RBFOX1: variants seen among roughly 807,000 people sequenced by gnomAD.
RBFOX1 encodes RNA binding protein fox-1 homolog 1.
RBFOX1 carries 8 observed loss-of-function variants against 57.7 expected under a neutral mutation model. That is an observed-to-expected ratio of 0.14 (90% confidence interval 0.08 to 0.25). The LOEUF is 0.25. Ranked by LOEUF, RBFOX1 falls within the 10% of genes least tolerant of loss-of-function variation. The probability of loss-of-function intolerance (pLI) is 1.00; values close to 1 mark genes in which losing one functional copy is unlikely to be tolerated. For synonymous variants in RBFOX1, 326 were observed against 222.4 expected, an observed-to-expected ratio of 1.47 and a Z score of -4.15; for missense variants, 611 against 548.5, an observed-to-expected ratio of 1.11 and a Z score of -1.14.
At chr16:7,566,689 G>A (rs2091761953) in intron 5 of RBFOX1, among the ~76,000 whole-genome samples, 1 of 152,052 alleles carries the variant, frequency 6.6e-6, no homozygotes, top group African/African-American at 2.4e-5. Context: ...CATTTAGCCA[G>A]TTTCACATTT....
At chr16:7,206,371 A>G (rs2089971486) in intron 4 of RBFOX1, among the ~76,000 whole-genome samples, 1 of 151,970 alleles carries the variant, frequency 6.6e-6, no homozygotes, top group East Asian at 1.9e-4. Flanking sequence ...ACCCCTTATA[A>G]ATACACTACA....
intron 4 of RBFOX1, among the ~76,000 whole-genome samples, chr16:7,206,248 T>A (rs1412787200): frequency 6.6e-6 from 1 of 152,104 alleles, no homozygotes; most frequent in Non-Finnish European, 1.5e-5. Flanking sequence ...AACATCTTAG[T>A]CTTTTGTGTT....
chr16:6,475,509 C>G (rs2095258629), intron 2 of RBFOX1, among the ~76,000 whole-genome samples: 1 of 152,174 alleles, frequency 6.6e-6, no homozygotes, highest in South Asian at 2.1e-4. Context: ...ATGCATTTGT[C>G]TATTAGAAAA....
chr16:5,599,102 G>A (rs759381263), exon 3 of RBFOX1: 9 of 851,258 alleles, frequency 1.1e-5, no homozygotes, highest in African/African-American at 5.1e-5. Flanking sequence ...CTGGGTTTGA[G>A]GGGAATAAAT....
At position 5,703,150 on chromosome 16, in the gene RBFOX1, G is replaced by C. The variant is rs1302682777; in HGVS notation, c.318+104189G>C. Among the ~76,000 whole-genome samples, 4 of 152,330 alleles carry C rather than the reference G, an allele frequency of 2.6e-5. No homozygotes were observed. The East Asian group carries it at 7.7e-4, about 29-fold the overall frequency. The stretch of plus-strand genomic sequence containing the variant: ...GTCTAAGGCATGAGAGAGATATGGA[G>C]CAAATGATCCTGTATAATTGCAACT... On this transcript the variant is annotated intron_variant, in intron 3 of 19. Coordinates refer to the RBFOX1 transcript ENST00000641259.
chr16:5,324,506 A>G (rs527315324), intron 1 of RBFOX1, among the ~76,000 whole-genome samples: 2 of 152,134 alleles, frequency 1.3e-5, no homozygotes, highest in Non-Finnish European at 2.9e-5. Context: ...CCCAAACCTT[A>G]TTAGAACCTA....
At chr16:6,711,491 T>C (rs372890993) in intron 3 of RBFOX1, among the ~76,000 whole-genome samples, 1 of 152,176 alleles carries the variant, frequency 6.6e-6, no homozygotes, top group East Asian at 1.9e-4. Context: ...GACTGGGTCA[T>C]GCTGTTCTTG....
chr16:6,012,793 C>A (rs1243209854), intron 4 of RBFOX1, among the ~76,000 whole-genome samples: 1 of 152,022 alleles, frequency 6.6e-6, no homozygotes, highest in Non-Finnish European at 1.5e-5. Context: ...TTGCAAGGTA[C>A]CTGTAGGGGG....
intron 3 of RBFOX1, among the ~76,000 whole-genome samples, chr16:6,798,038 G>A (rs1305600614): frequency 6.6e-6 from 1 of 152,092 alleles, no homozygotes. Flanking sequence ...TGATGAAGTT[G>A]ATAGTGATAA....
intron 3 of RBFOX1, among the ~76,000 whole-genome samples, chr16:6,931,940 G>A (rs1054056467): frequency 5.3e-5 from 8 of 152,020 alleles, no homozygotes; most frequent in African/African-American, 1.9e-4. Flanking sequence ...GAGAACCAGG[G>A]GGCTGAAGTC....
chr16:6,975,261 CT>C (rs924537671), intron 3 of RBFOX1, among the ~76,000 whole-genome samples: 3 of 92,014 alleles, frequency 3.3e-5, no homozygotes, highest in Admixed American at 1.1e-4. Flanking sequence ...AAATCATGTC[CT>C]TTTTTTATTA....
intron 2 of RBFOX1, among the ~76,000 whole-genome samples, chr16:5,595,084 T>C (rs1223368728): frequency 2.0e-5 from 3 of 151,592 alleles, no homozygotes; most frequent in African/African-American, 7.3e-5. Context: ...AGGTGGAGGT[T>C]GTGGTGAGTC....
chr16:6,435,083 T>A (rs2094197245), intron 2 of RBFOX1, among the ~76,000 whole-genome samples: 2 of 152,182 alleles, frequency 1.3e-5, no homozygotes, highest in South Asian at 2.1e-4. Flanking sequence ...ATACACTCAA[T>A]CTATAGCATT....
intron 3 of RBFOX1, among the ~76,000 whole-genome samples, chr16:6,713,583 G>T (rs574457118): frequency 1.3e-5 from 2 of 152,118 alleles, no homozygotes; most frequent in East Asian, 1.9e-4. Flanking sequence ...ATATTTTCAA[G>T]TGTCCCTTTG....
At chr16:6,248,775 T>G (rs1162801733) in intron 1 of RBFOX1, among the ~76,000 whole-genome samples, 1 of 152,160 alleles carries the variant, frequency 6.6e-6, no homozygotes, top group East Asian at 1.9e-4. Flanking sequence ...AGAAGTCACA[T>G]GCATATTATT....
intron 1 of RBFOX1, among the ~76,000 whole-genome samples, chr16:6,161,515 G>C (rs2096879130): frequency 6.6e-6 from 1 of 152,144 alleles, no homozygotes; most frequent in Non-Finnish European, 1.5e-5. Context: ...TTGTCCTGCA[G>C]AGAAAACCTC....
intron 1 of RBFOX1, among the ~76,000 whole-genome samples, chr16:5,295,766 G>A (rs2063651814): frequency 6.6e-6 from 1 of 152,120 alleles, no homozygotes; most frequent in Admixed American, 6.6e-5. Context: ...TATTCTCTTG[G>A]TTATAAGAAA....
chr16:5,393,894 C>G (rs747797463), intron 1 of RBFOX1, among the ~76,000 whole-genome samples: 1 of 152,204 alleles, frequency 6.6e-6, no homozygotes, highest in Non-Finnish European at 1.5e-5. Context: ...TCCCCCTAAG[C>G]CCTGTGATCT....
chr16:5,636,164 A>G (rs1230758217), intron 3 of RBFOX1, among the ~76,000 whole-genome samples: 1 of 152,172 alleles, frequency 6.6e-6, no homozygotes, highest in East Asian at 1.9e-4. Flanking sequence ...CCTGACCAAC[A>G]TGGTGAAACC....
Sources: allele counts gnomAD v4.1 joint callset (sites outside exome capture counted in the v4.1 genomes callset), GRCh38; gene constraint gnomAD v4.1.1; transcripts MANE v1.5; gene names NCBI Gene and HGNC (gene_info 2026-07-23, HGNC 2026-07-21).